Variants in ARHGEF3 observed in about 807,000 individuals in gnomAD.
ARHGEF3 encodes the protein Rho guanine nucleotide exchange factor 3, also known as 59.8 kDA protein.
ARHGEF3 carries 28 observed loss-of-function variants against 63.2 expected under a neutral mutation model. The ratio of observed to expected loss-of-function variants is 0.44; its 90% CI spans 0.33 to 0.61. The LOEUF is 0.61. Ranked by LOEUF, ARHGEF3 falls within the 20% of genes least tolerant of loss-of-function variation. The pLI is 0.03. For synonymous variants in ARHGEF3, 266 were observed against 254.2 expected, an observed-to-expected ratio of 1.05 and a Z score of -0.44; for missense variants, 533 against 659.3, an observed-to-expected ratio of 0.81 and a Z score of 2.10.
intron 2 of ARHGEF3, among the ~76,000 whole-genome samples, chr3:56,975,333 G>A (rs186730577): frequency 2.0e-5 from 3 of 152,082 alleles, no homozygotes; most frequent in East Asian, 1.9e-4. Flanking sequence ...CAGGGGAATC[G>A]CTTGAACCCA....
chr3:57,016,376 T>A (rs927853954), intron 2 of ARHGEF3, among the ~76,000 whole-genome samples: 1 of 100,282 alleles, frequency 1.0e-5, no homozygotes, highest in Non-Finnish European at 2.0e-5. Context: ...ACCCTGTCTC[T>A]ACTAAAAATA....
At chr3:57,014,981 G>A (rs1190166007) in intron 2 of ARHGEF3, among the ~76,000 whole-genome samples, 5 of 151,750 alleles carry the variant, frequency 3.3e-5, no homozygotes, top group African/African-American at 4.8e-5. Context: ...CACTGTGCCC[G>A]GCCAAAGCTT....
intron 2 of ARHGEF3, among the ~76,000 whole-genome samples, chr3:56,755,647 TATTCCAC>T (rs1412934064): frequency 6.6e-6 from 1 of 152,108 alleles, no homozygotes; most frequent in Non-Finnish European, 1.5e-5. Flanking sequence ...ACCAATAGAG[TATTCCAC>T]CATCCTAGTT....
At chr3:56,784,658 T>C (rs2036715014) in intron 1 of ARHGEF3, among the ~76,000 whole-genome samples, 1 of 152,224 alleles carries the variant, frequency 6.6e-6, no homozygotes, top group Non-Finnish European at 1.5e-5. Flanking sequence ...CCACTGGAGT[T>C]CCATTCCTGC....
rs1223384824 is a variant in ARHGEF3, at chr3:56,727,691, T to A, written c.*1579A>T. 6.6e-6 allele frequency: 1 copy of A among 152,548 alleles called. No homozygotes were observed. Among genetic ancestry groups the A allele is most frequent in the Non-Finnish European group, 1.5e-5 (1 of 68,044 alleles). 9.4% of individuals were successfully genotyped at this position (152,548 alleles called of 1,614,324 possible). On this transcript the variant is annotated 3_prime_UTR_variant, in exon 10 of 10. Transcript: ENST00000296315. The stretch of plus-strand genomic sequence containing the variant: ...TTCACTTGCTGTATCAATAACGACT[T>A]GAGAAAGCAGTTTTAAATAAACTTG...
chr3:56,931,687 C>T (rs2042416709), intron 3 of ARHGEF3, among the ~76,000 whole-genome samples: 1 of 151,428 alleles, frequency 6.6e-6, no homozygotes, highest in South Asian at 2.1e-4. Context: ...AATACACAGG[C>T]TGCCATATTA....
At chr3:56,922,841 C>T (rs1344755253) in intron 3 of ARHGEF3, among the ~76,000 whole-genome samples, 1 of 151,746 alleles carries the variant, frequency 6.6e-6, no homozygotes, top group Non-Finnish European at 1.5e-5. Flanking sequence ...ACTCCTTTAT[C>T]CCTAGCAGGT....
chr3:56,789,255 A>C (rs2036966460), intron 1 of ARHGEF3, among the ~76,000 whole-genome samples: 1 of 152,180 alleles, frequency 6.6e-6, no homozygotes, highest in Non-Finnish European at 1.5e-5. Context: ...CTGACTTCCA[A>C]ATCCAAATTC....
chr3:56,987,469 G>C (rs1701588114), intron 2 of ARHGEF3, among the ~76,000 whole-genome samples: 1 of 152,172 alleles, frequency 6.6e-6, no homozygotes, highest in Non-Finnish European at 1.5e-5. Flanking sequence ...TGGCACAGGA[G>C]GCTCCAGGCC....
intron 3 of ARHGEF3, among the ~76,000 whole-genome samples, chr3:56,884,906 G>A (rs1177916032): frequency 6.6e-6 from 1 of 152,220 alleles, no homozygotes; most frequent in African/African-American, 2.4e-5. Flanking sequence ...TCAGGAGAGA[G>A]AAGCAATTTG....
intron 2 of ARHGEF3, among the ~76,000 whole-genome samples, chr3:57,031,538 G>A (rs77031440): frequency 0.025 from 3,838 of 152,134 alleles, 155 homozygotes; most frequent in African/African-American, 0.088. Context: ...CTTAACCACC[G>A]CTCAGATGTG....
intron 3 of ARHGEF3, among the ~76,000 whole-genome samples, chr3:56,904,798 T>G (rs921397810): frequency 6.6e-6 from 1 of 152,182 alleles, no homozygotes; most frequent in Non-Finnish European, 1.5e-5. Flanking sequence ...GAACCACTCT[T>G]TCAGGCCACT....
chr3:56,756,618 C>T (rs1182000247), intron 2 of ARHGEF3, among the ~76,000 whole-genome samples: 4 of 143,720 alleles, frequency 2.8e-5, no homozygotes, highest in East Asian at 2.1e-4. Flanking sequence ...GGTGCGATCT[C>T]GGCTCACTGC....
intron 1 of ARHGEF3, among the ~76,000 whole-genome samples, chr3:57,052,241 G>A (rs1247091613): frequency 1.3e-5 from 2 of 152,194 alleles, no homozygotes; most frequent in Non-Finnish European, 2.9e-5. Context: ...TGCGGTGCCT[G>A]TATATTAGCT....
intron 1 of ARHGEF3, among the ~76,000 whole-genome samples, chr3:57,049,410 A>G (rs1453505567): frequency 1.3e-5 from 2 of 152,066 alleles, no homozygotes; most frequent in African/African-American, 4.8e-5. Context: ...TAAAATTAAA[A>G]TCCCTCCCAG....
At chr3:57,031,946 G>A (rs62250289) in intron 2 of ARHGEF3, among the ~76,000 whole-genome samples, 17,950 of 152,154 alleles carry the variant, frequency 0.12, 1,417 homozygotes, top group Non-Finnish European at 0.17. Context: ...GATTTCTTCT[G>A]GCTCTAAATT....
At chr3:57,051,549 A>C (rs1704669824) in intron 1 of ARHGEF3, among the ~76,000 whole-genome samples, 1 of 152,222 alleles carries the variant, frequency 6.6e-6, no homozygotes, top group Non-Finnish European at 1.5e-5. Flanking sequence ...TGGATGAAGG[A>C]ATAATAAAAA....
chr3:56,968,188 AT>A (rs1700706982), intron 2 of ARHGEF3, among the ~76,000 whole-genome samples: 4 of 15,030 alleles, frequency 2.7e-4, no homozygotes, highest in Non-Finnish European at 3.3e-4. Context: ...AAAAATATAT[AT>A]TATATATAAT....
intron 8 of ARHGEF3, among the ~76,000 whole-genome samples, chr3:56,732,669 G>GACACCT: frequency 6.6e-6 from 1 of 152,176 alleles, no homozygotes; most frequent in South Asian, 2.1e-4. Context: ...TCTGCCTACA[G>GACACCT]ACACCTACAG....
Sources: allele counts gnomAD v4.1 joint callset (sites outside exome capture counted in the v4.1 genomes callset), GRCh38; gene constraint gnomAD v4.1.1; transcripts MANE v1.5; gene names NCBI Gene and HGNC (gene_info 2026-07-23, HGNC 2026-07-21).